The following GLIS1 variants were observed in gnomAD, a reference collection of about 807,000 sequenced individuals.
GLIS1 encodes zinc finger protein GLIS1.
In GLIS1, 24 loss-of-function variants were observed where a neutral mutation model predicts 63.8. That is an observed-to-expected ratio of 0.38 (90% CI 0.27 to 0.53). The LOEUF is 0.53. Ranked by LOEUF, GLIS1 falls within the 20% of genes least tolerant of loss-of-function variation. The probability of loss-of-function intolerance (pLI) is 0.85; values close to 1 mark genes in which losing one functional copy is unlikely to be tolerated. For synonymous variants in GLIS1, 450 were observed against 482.5 expected, an observed-to-expected ratio of 0.93 and a Z score of 0.88; for missense variants, 1,036 against 1,074.1, an observed-to-expected ratio of 0.96 and a Z score of 0.50.
intron 2 of GLIS1, among the ~76,000 whole-genome samples, chr1:53,724,818 T>C (rs902067210): frequency 6.6e-6 from 1 of 152,096 alleles, no homozygotes; most frequent in Admixed American, 6.6e-5. Context: ...GGACTACAGG[T>C]GCATGGCTGT....
intron 2 of GLIS1, among the ~76,000 whole-genome samples, chr1:53,719,952 G>T (rs1343922249): frequency 6.6e-6 from 1 of 152,136 alleles, no homozygotes; most frequent in African/African-American, 2.4e-5. Flanking sequence ...GGGGCAGGTG[G>T]ATCACCTGAG....
intron 4 of GLIS1, among the ~76,000 whole-genome samples, chr1:53,562,058 T>C (rs1297261887): frequency 1.3e-5 from 2 of 152,114 alleles, no homozygotes; most frequent in Non-Finnish European, 2.9e-5. Context: ...TGGGGGCAGA[T>C]GGGGTTACAG....
chr1:53,734,278 G>T, intron 2 of GLIS1: 1 of 811,834 alleles, frequency 1.2e-6, no homozygotes, highest in Non-Finnish European at 1.5e-6. Context: ...AGCAACTCTG[G>T]ACAAATGGAA....
chr1:53,508,373 C>T (rs766394237), intron 10 of GLIS1, among the ~76,000 whole-genome samples: 32 of 152,230 alleles, frequency 2.1e-4, no homozygotes, highest in Admixed American at 2.0e-4. Flanking sequence ...CTCCCGCTCA[C>T]TACCTCAAAG....
At position 53,594,746 on chromosome 1, in the gene GLIS1, G is replaced by T. The variant is rs1645235785; in HGVS notation, c.682C>A (p.Pro228Thr). ...SEPSSGLGLQ[P>T]ETHLPEGSLK... ...CTGCCCTCGGGGAGGTGGGTCTCGG[G>T]CTGGAGGCCCAGGCCAGAGCTGGGT... The change falls in exon 4 of 11, where the codon CCC (proline) becomes ACC (threonine). Residue 228 changes from proline (P) to threonine (T), a missense_variant. Transcript: ENST00000628545. 1 of 1,581,780 alleles carries T rather than the reference G, an allele frequency of 6.3e-7. No homozygotes were observed. The highest frequency in any genetic ancestry group is 1.8e-5 in the Admixed American group (1 of 56,248).
chr1:53,576,735 C>T (rs1476310171), intron 4 of GLIS1, among the ~76,000 whole-genome samples: 4 of 152,164 alleles, frequency 2.6e-5, no homozygotes, highest in Non-Finnish European at 5.9e-5. Flanking sequence ...CTCGTGCATG[C>T]ATGCACAAAC....
At chr1:53,554,294 G>A (rs1644794734) in intron 4 of GLIS1, among the ~76,000 whole-genome samples, 1 of 152,174 alleles carries the variant, frequency 6.6e-6, no homozygotes, top group South Asian at 2.1e-4. Flanking sequence ...GACCATGTGA[G>A]GTCACACAAT....
At chr1:53,645,998 T>A (rs544422479) in intron 2 of GLIS1, among the ~76,000 whole-genome samples, 35 of 152,308 alleles carry the variant, frequency 2.3e-4, no homozygotes, top group African/African-American at 6.7e-4. Context: ...TTCATTCATA[T>A]GATGAATATT....
intron 2 of GLIS1, among the ~76,000 whole-genome samples, chr1:53,613,209 CT>C (rs1645444496): frequency 1.3e-5 from 2 of 152,202 alleles, no homozygotes; most frequent in African/African-American, 4.8e-5. Flanking sequence ...CAAAAATCCC[CT>C]TTTAACAAAT....
chr1:53,659,041 C>T (rs1441085910), intron 2 of GLIS1, among the ~76,000 whole-genome samples: 2 of 152,150 alleles, frequency 1.3e-5, no homozygotes, highest in Admixed American at 1.3e-4. Context: ...GGGGCGATGC[C>T]GTAAGTACTT....
intron 4 of GLIS1, among the ~76,000 whole-genome samples, chr1:53,553,834 G>A (rs1394006515): frequency 6.6e-6 from 1 of 152,222 alleles, no homozygotes; most frequent in African/African-American, 2.4e-5. Flanking sequence ...AGAGCAAGGA[G>A]GCCTGTGTGG....
chr1:53,715,139 C>T (rs1263486758), intron 2 of GLIS1, among the ~76,000 whole-genome samples: 2 of 152,168 alleles, frequency 1.3e-5, no homozygotes, highest in Non-Finnish European at 2.9e-5. Context: ...TGGTCTCGAA[C>T]TCCTGGGCTC....
rs1034078116 is a variant in GLIS1 at position 53,638,808 on chromosome 1, G to A, written c.260-38530C>T. ...AGGGTAAACCCTGGAGGGAGTGGCC[G>A]GGGGAGCACATGACGAGGCGGGCCC... is the stretch of plus-strand genomic sequence containing the variant. On this transcript the variant is annotated intron_variant, in intron 2 of 10. Transcript: ENST00000628545. 2.6e-5 allele frequency among the ~76,000 whole-genome samples: 4 copies of A among 152,272 alleles called. No homozygotes were observed. In the South Asian group the frequency reaches 6.2e-4, roughly 24 times the overall value.
At position 53,738,100 on chromosome 1, in the gene GLIS1, C is replaced by G; in HGVS notation, c.-36G>C. On this transcript the variant is annotated 5_prime_UTR_variant, in exon 2 of 11. Coordinates refer to ENST00000628545, the MANE Select transcript of GLIS1 (RefSeq NM_001367484.1). ...CGGGGCGCACGGCTGGGGGTCGCGC[C>G]GGGCTCCTGGGGAGGGGAGACAGCA... 1 of 1,228,072 alleles carries G rather than the reference C, an allele frequency of 8.1e-7. No homozygotes were observed. 76.1% of individuals were successfully genotyped at this position (1,228,072 alleles called of 1,614,324 possible).
chr1:53,702,124 G>C (rs954227947), intron 2 of GLIS1, among the ~76,000 whole-genome samples: 4 of 151,580 alleles, frequency 2.6e-5, no homozygotes, highest in African/African-American at 9.7e-5. Context: ...TCCTGCATTT[G>C]CCCATGTAGG....
intron 2 of GLIS1, among the ~76,000 whole-genome samples, chr1:53,712,567 A>G (rs1417311995): frequency 1.3e-5 from 2 of 152,222 alleles, no homozygotes; most frequent in East Asian, 3.8e-4. Flanking sequence ...CTCCAAGTCC[A>G]TATCCTTATC....
At chr1:53,535,383 G>A (rs897062755) in intron 4 of GLIS1, among the ~76,000 whole-genome samples, 9 of 152,020 alleles carry the variant, frequency 5.9e-5, no homozygotes, top group Non-Finnish European at 1.2e-4. Flanking sequence ...AGCACCTACC[G>A]TGAGTCCAGG....
At chr1:53,605,496 C>A (rs1038494471) in intron 2 of GLIS1, among the ~76,000 whole-genome samples, 1 of 152,220 alleles carries the variant, frequency 6.6e-6, no homozygotes, top group African/African-American at 2.4e-5. Context: ...CACTTAGGTG[C>A]GCCTTCTGCA....
At chr1:53,684,300 T>A (rs1238281840) in intron 2 of GLIS1, among the ~76,000 whole-genome samples, 4 of 151,682 alleles carry the variant, frequency 2.6e-5, no homozygotes, top group African/African-American at 9.7e-5. Flanking sequence ...ACCCAGAAGG[T>A]GTTGTGTATT....
Sources: gnomAD v4.1 joint callset for allele counts (sites outside exome capture counted in the v4.1 genomes callset) on GRCh38, gnomAD v4.1.1 for gene constraint, MANE v1.5 for transcripts, NCBI Gene and HGNC (gene_info 2026-07-23, HGNC 2026-07-21) for gene names.